The following RYR2 variants were observed in gnomAD, a reference collection of about 807,000 sequenced individuals.
RYR2 encodes cardiac muscle ryanodine receptor-calcium release channel.
A neutral mutation model predicts 601.1 loss-of-function variants in RYR2; 227 were observed. The ratio of observed to expected loss-of-function variants is 0.38; its 90% CI spans 0.34 to 0.42. RYR2 has a LOEUF of 0.42. Ranked by LOEUF, RYR2 falls within the 10% of genes least tolerant of loss-of-function variation. The pLI is 1.00. For synonymous variants in RYR2, 2,223 were observed against 2,175.1 expected (o/e 1.02, Z -0.61); for missense variants, 4,646 against 6,156.5 (o/e 0.75, Z 8.21).
intron 63 of RYR2, among the ~76,000 whole-genome samples, chr1:237,693,784 A>G (rs1220238939): frequency 1.3e-5 from 2 of 152,240 alleles, no homozygotes; most frequent in African/African-American, 2.4e-5. Flanking sequence ...TAAATAAAGT[A>G]ATACAATGGA....
chr1:237,058,875 T>C (rs1662502734), intron 1 of RYR2, among the ~76,000 whole-genome samples: 1 of 152,134 alleles, frequency 6.6e-6, no homozygotes, highest in African/African-American at 2.4e-5. Flanking sequence ...TCACATTTTT[T>C]ACTGTAGAGT....
Position 237,788,069 on chromosome 1 carries a change from C to T in RYR2, c.13410C>T (p.Tyr4470=), listed in dbSNP as rs183933829. The T allele has an allele frequency of 1.2e-5, 19 of 1,611,892 alleles. No homozygotes were observed. The highest frequency in any genetic ancestry group is 2.2e-5 in the East Asian group (1 of 44,832). Residue 4470 remains tyrosine, a synonymous_variant, in exon 92 of 105, where the codon TAC becomes TAT. Transcript: ENST00000366574. The part of the protein sequence containing the change: ...QKLRQLHTHR[Y]GEPEVPESAF... ...TGAGGCAGCTTCACACACACAGATA[C>T]GGAGAACCAGAAGTGCCAGAGTCAG... is the stretch of plus-strand genomic sequence containing the variant.
chr1:237,627,869 G>A lies in RYR2; in HGVS notation c.6229G>A (p.Asp2077Asn). 1 of 1,613,662 alleles carries A rather than the reference G, an allele frequency of 6.2e-7. No individual in the cohort carries two copies. The highest frequency in any genetic ancestry group is 8.5e-7 in the Non-Finnish European group (1 of 1,179,758). ...VRWAQESVIE[D>N]PELVRAMFVL... ...ATGGGCTCAGGAGTCTGTCATTGAA[G>A]ACCCCGAGCTGGTGAGGGCCATGTT... The change falls in exon 41 of 105, where the codon GAC becomes AAC. Residue 2077 changes from aspartate (D) to asparagine (N), a missense_variant. By Grantham distance (23) the Asp-to-Asn change is conservative (BLOSUM62 1). Transcript: ENST00000366574.
Position 237,654,411 on chromosome 1 carries a change from A to G in RYR2, c.7962A>G (p.Gln2654=). 6.2e-7 allele frequency: 1 copy of G among 1,613,820 alleles called. No individual in the cohort carries two copies. The highest frequency in any genetic ancestry group is 8.5e-7 in the Non-Finnish European group (1 of 1,179,806). Residue 2654 remains glutamine (Q), a synonymous_variant, in exon 52 of 105, where the codon CAA becomes CAG. Coordinates refer to ENST00000366574, the MANE Select transcript of RYR2 (RefSeq NM_001035.3). Reference sequence around the variant, plus strand: ...GGGGCATTTTTGATGCCCTGTCTCAAAAGGTAATTTAATGGTTTGTGGGTT... The same window carrying G: ...GGGGCATTTTTGATGCCCTGTCTCAGAAGGTAATTTAATGGTTTGTGGGTT... The part of the protein sequence containing the change: ...LFWGIFDALS[Q]KKYEQELFKL...
chr1:237,448,982 T>G (rs1256901464), intron 14 of RYR2, among the ~76,000 whole-genome samples: 1 of 152,184 alleles, frequency 6.6e-6, no homozygotes, highest in African/African-American at 2.4e-5. Context: ...ATTATTGATA[T>G]AGTAGGCTTA....
At chr1:237,530,639 G>A (rs771721057) in intron 25 of RYR2, 129 bp downstream of exon 25, 10 of 732,850 alleles carry the variant, frequency 1.4e-5, no homozygotes, top group East Asian at 8.7e-5. Flanking sequence ...GGCTGGGTGC[G>A]GTGGCTCACA....
chr1:237,468,251 A>G (rs1478456227), intron 16 of RYR2, among the ~76,000 whole-genome samples: 1 of 152,218 alleles, frequency 6.6e-6, no homozygotes, highest in Non-Finnish European at 1.5e-5. Context: ...CTTGTAAGCA[A>G]TTATACTGTT....
intron 1 of RYR2, among the ~76,000 whole-genome samples, chr1:237,123,650 ATTTTTTTTTTTTTTT>A (rs869177997): frequency 5.1e-5 from 4 of 78,928 alleles, no homozygotes; most frequent in African/African-American, 1.0e-4. Context: ...ATCAGTCACT[ATTTTTTTTTTTTTTT>A]TTTTTTTTTT....
intron 1 of RYR2, among the ~76,000 whole-genome samples, chr1:237,094,557 G>A (rs2148480671): frequency 6.7e-6 from 1 of 148,854 alleles, no homozygotes; most frequent in East Asian, 2.0e-4. Context: ...TGCATCATTT[G>A]TTTTGTCTTT....
At chr1:237,270,179 T>C (rs1689537022) in intron 1 of RYR2, 13 of 431,056 alleles carry the variant, frequency 3.0e-5, no homozygotes, top group South Asian at 2.4e-4. Flanking sequence ...ATAGTGACGA[T>C]AATATGAAAA....
intron 12 of RYR2, among the ~76,000 whole-genome samples, chr1:237,431,302 A>G (rs1484369329): frequency 6.6e-6 from 1 of 152,210 alleles, no homozygotes; most frequent in Non-Finnish European, 1.5e-5. Flanking sequence ...GACTTCTTCT[A>G]TTATATATTT....
chr1:237,133,869 G>C (rs954447808), intron 1 of RYR2, among the ~76,000 whole-genome samples: 12 of 137,538 alleles, frequency 8.7e-5, no homozygotes, highest in South Asian at 7.1e-4. Flanking sequence ...AGGTTGCAGT[G>C]AGCCGAGATC....
chr1:237,753,617 A>G (rs961084186), intron 80 of RYR2, among the ~76,000 whole-genome samples: 2 of 152,146 alleles, frequency 1.3e-5, no homozygotes, highest in Admixed American at 6.6e-5. Context: ...CTAAGGGAAA[A>G]TTTAAATTCT....
At chr1:237,530,310 CAAAA>C in intron 24 of RYR2, 113 bp from the exon 25 acceptor site, 6 of 586,604 alleles carry the variant, frequency 1.0e-5, no homozygotes, top group Middle Eastern at 3.0e-4. Context: ...GACTCCGTCT[CAAAA>C]AAAAAAAAAA....
chr1:237,207,520 C>G (rs1328146198), intron 1 of RYR2, among the ~76,000 whole-genome samples: 1 of 152,222 alleles, frequency 6.6e-6, no homozygotes, highest in African/African-American at 2.4e-5. Flanking sequence ...GAGCTGAGAT[C>G]ATGCCATCAC....
rs116528666 is a variant in RYR2, at chr1:237,469,212, T to C, written c.1708+25T>C. The C allele has an allele frequency of 9.6e-3, 14,177 of 1,472,298 alleles. 106 individuals are homozygous for C. Among genetic ancestry groups the C allele is most frequent in the Non-Finnish European group, 0.012 (13,057 of 1,064,338 alleles). The allele number at this position is 1,472,298 out of a possible 1,614,324, so 91.2% of individuals were successfully genotyped here. A position where few individuals can be genotyped will look rare whatever the true frequency, so the allele number is the denominator to read the frequency against. ...GGTATGTTTTCTAGTTTTTTCCTTGTTGTGATAGATCACTCCTATTTTTCT... is the reference window on the plus strand; with the variant it reads ...GGTATGTTTTCTAGTTTTTTCCTTGCTGTGATAGATCACTCCTATTTTTCT... On this transcript the variant is annotated intron_variant, in intron 17 of 104. Transcript: ENST00000366574.
Position 237,717,254 on chromosome 1 carries a change from C to T in RYR2, c.10380C>T (p.Ser3460=), listed in dbSNP as rs1459880041. 6.2e-7 allele frequency: 1 copy of T among 1,613,658 alleles called. No individual in the cohort carries two copies. Among genetic ancestry groups the T allele is most frequent in the Middle Eastern group, 1.7e-4 (1 of 6,058 alleles). ...KKMKRKGDRY[S]MQTSLIVAAL... is the part of the protein sequence containing the mutation. Reference sequence around the variant, plus strand: ...TGAAGCGCAAAGGAGATCGGTATTCCATGCAGACCTCTCTGATTGTAGCAG... The same window carrying T: ...TGAAGCGCAAAGGAGATCGGTATTCTATGCAGACCTCTCTGATTGTAGCAG... The change falls in exon 72 of 105, where the codon TCC becomes TCT. Residue 3460 remains serine, a synonymous_variant. Transcript: ENST00000366574.
rs560853083 is a variant in RYR2 at position 237,210,286 on chromosome 1, G to T, written c.49-60211G>T. 3.3e-4 allele frequency among the ~76,000 whole-genome samples: 50 copies of T among 152,140 alleles called. No individual in the cohort carries two copies. In the South Asian group the frequency reaches 0.01, roughly 31 times the overall value. On this transcript the variant is annotated intron_variant, in intron 1 of 104. Coordinates refer to ENST00000366574, the MANE Select transcript of RYR2 (RefSeq NM_001035.3). ...AGTACATTTCTCTTCCGATAATTTT[G>T]GGACTATTTCATATTAGAGAATCTT... is the stretch of plus-strand genomic sequence containing the variant.
rs1251459666 is a variant in RYR2, at chr1:237,783,968, C to T, written c.12256C>T (p.Arg4086Cys). ...ETLDYEEFVK[R>C]FHEPAKDIGF... ...CCTCGACTACGAAGAGTTCGTCAAACGCTTCCACGAACCTGCGAAGGACAT... is the reference window on the plus strand; with the variant it reads ...CCTCGACTACGAAGAGTTCGTCAAATGCTTCCACGAACCTGCGAAGGACAT... The change falls in exon 90 of 105, where the codon CGC becomes TGC. Residue 4086 changes from arginine (R) to cysteine (C), a missense_variant. By Grantham distance (180) the Arg-to-Cys change is radical. Transcript: ENST00000366574. 1.2e-6 allele frequency: 2 copies of T among 1,613,738 alleles called. No individual in the cohort carries two copies. The highest frequency in any genetic ancestry group is 1.7e-6 in the Non-Finnish European group (2 of 1,179,766).
Sources: gnomAD v4.1 joint callset for allele counts (sites outside exome capture counted in the v4.1 genomes callset) on GRCh38, gnomAD v4.1.1 for gene constraint, MANE v1.5 for transcripts, NCBI Gene and HGNC (gene_info 2026-07-23, HGNC 2026-07-21) for gene names.